Variants in CTNNA3 observed in about 807,000 individuals in gnomAD.
The protein encoded by CTNNA3 is catenin alpha-3.
In CTNNA3, 76 loss-of-function variants were observed where a neutral mutation model predicts 95.7. The observed-to-expected ratio is 0.79, with a 90% CI of 0.66 to 0.96. CTNNA3 has a LOEUF of 0.96. CTNNA3 is among the 40% of genes least tolerant of loss of function. The pLI, the probability that CTNNA3 is intolerant of heterozygous loss-of-function variation, is 0.00. For missense variants in CTNNA3, 1,191 were observed against 1,089.8 expected, an observed-to-expected ratio of 1.09 and a Z score of -1.31; for synonymous variants, 431 against 374.4, an observed-to-expected ratio of 1.15 and a Z score of -1.74.
Position 66,981,523 on chromosome 10 carries a change from A to G in CTNNA3, c.1047+198794T>C, listed in dbSNP as rs570768383. On this transcript the variant is annotated intron_variant, in intron 7 of 17. Transcript: ENST00000433211. ...CTTTCTCCTCCTCCTCATTTACAGC[A>G]TATCTCCATTGCACTTCTGGCCAAC... Among the ~76,000 whole-genome samples the G allele has an allele frequency of 1.6e-4, 25 of 152,206 alleles. No individual in the cohort carries two copies. In the South Asian group the frequency reaches 2.9e-3, roughly 18 times the overall value.
intron 5 of CTNNA3, among the ~76,000 whole-genome samples, chr10:67,227,079 G>C (rs1264482551): frequency 7.3e-6 from 1 of 137,230 alleles, no homozygotes; most frequent in Non-Finnish European, 1.5e-5. Context: ...AGCAAGCAAA[G>C]GTAGCTTTTT....
At chr10:66,000,945 C>A (rs933383906) in intron 15 of CTNNA3, among the ~76,000 whole-genome samples, 2 of 151,958 alleles carry the variant, frequency 1.3e-5, no homozygotes, top group Admixed American at 1.3e-4. Flanking sequence ...TAAAACATAT[C>A]GAGTTAAAAA....
intron 7 of CTNNA3, among the ~76,000 whole-genome samples, chr10:67,042,524 T>C (rs1233342421): frequency 6.6e-6 from 1 of 151,640 alleles, no homozygotes; most frequent in East Asian, 1.9e-4. Context: ...AGACATAGAG[T>C]GTGGCAGTGG....
chr10:67,374,438 G>A (rs115867641), intron 5 of CTNNA3, among the ~76,000 whole-genome samples: 1,617 of 151,878 alleles, frequency 0.011, 23 homozygotes, highest in African/African-American at 0.033. Flanking sequence ...ACGAATGAAC[G>A]AATAAATAAA....
chr10:66,431,130 C>A (rs1322552940), intron 11 of CTNNA3, among the ~76,000 whole-genome samples: 2 of 151,866 alleles, frequency 1.3e-5, no homozygotes, highest in African/African-American at 2.4e-5. Flanking sequence ...ATGCAGCCTA[C>A]AGACACATGA....
chr10:67,725,228 G>A (rs575261259), intron 1 of CTNNA3, among the ~76,000 whole-genome samples: 37 of 149,700 alleles, frequency 2.5e-4, no homozygotes, highest in South Asian at 2.1e-4. Context: ...CCAGGCTGGC[G>A]TGCAGCGGCA....
chr10:67,069,816 T>G (rs540552695), intron 7 of CTNNA3, among the ~76,000 whole-genome samples: 1 of 152,280 alleles, frequency 6.6e-6, no homozygotes, highest in Non-Finnish European at 1.5e-5. Context: ...TCTTTTTACC[T>G]AAGGACCCAT....
rs1281651894 is a variant in CTNNA3, at chr10:66,280,625, T to C, written c.1733-4A>G. 1 of 1,600,768 alleles carries C rather than the reference T, an allele frequency of 6.2e-7. No individual in the cohort carries two copies. Among genetic ancestry groups the C allele is most frequent in the South Asian group, 1.1e-5 (1 of 89,792 alleles). ...TGTGTTACAAATTCAGGAATTACTG[T>C]TAAAATAAAGAATAAGGAGAAGATT... On this transcript the variant is annotated splice_region_variant and splice_polypyrimidine_tract_variant and intron_variant, in intron 12 of 17. Coordinates refer to ENST00000433211, the MANE Select transcript of CTNNA3 (RefSeq NM_013266.4).
upstream of CTNNA3, among the ~76,000 whole-genome samples, chr10:67,698,005 C>G (rs963462720): frequency 6.6e-6 from 1 of 152,152 alleles, no homozygotes; most frequent in African/African-American, 2.4e-5. Flanking sequence ...TGTGTGATCG[C>G]TGAGGCATGC....
chr10:66,646,238 G>A (rs546167456), intron 9 of CTNNA3, among the ~76,000 whole-genome samples: 11 of 152,126 alleles, frequency 7.2e-5, no homozygotes, highest in Non-Finnish European at 1.3e-4. Context: ...GAAAAAAATT[G>A]ATGTGAAAAA....
At chr10:66,932,930 T>G (rs1369875925) in intron 7 of CTNNA3, among the ~76,000 whole-genome samples, 1 of 152,238 alleles carries the variant, frequency 6.6e-6, no homozygotes, top group Non-Finnish European at 1.5e-5. Flanking sequence ...AAATTCAAGT[T>G]CCTTTGACAC....
At chr10:66,987,076 T>C (rs1047661762) in intron 7 of CTNNA3, among the ~76,000 whole-genome samples, 73 of 152,086 alleles carry the variant, frequency 4.8e-4, no homozygotes, top group African/African-American at 1.7e-3. Context: ...AGTGCAAAAG[T>C]CCCGACGTGA....
chr10:67,497,143 T>C (rs2051307233), intron 5 of CTNNA3, among the ~76,000 whole-genome samples: 2 of 152,142 alleles, frequency 1.3e-5, no homozygotes. Flanking sequence ...CCATGTATTC[T>C]CATTGTTCAA....
At chr10:67,163,386 A>G (rs1696212432) in intron 7 of CTNNA3, among the ~76,000 whole-genome samples, 1 of 152,064 alleles carries the variant, frequency 6.6e-6, no homozygotes, top group Non-Finnish European at 1.5e-5. Context: ...AAATTGATGC[A>G]GAAAAGGCAT....
intron 7 of CTNNA3, among the ~76,000 whole-genome samples, chr10:66,809,806 C>CTTTTTTTTT (rs71035181): frequency 7.0e-6 from 1 of 142,378 alleles, no homozygotes; most frequent in African/African-American, 2.6e-5. Flanking sequence ...TTGCTGATTT[C>CTTTTTTTTT]TTTTTTTTTT....
intron 9 of CTNNA3, among the ~76,000 whole-genome samples, chr10:66,688,047 A>T (rs1283529264): frequency 3.9e-5 from 6 of 152,170 alleles, no homozygotes; most frequent in African/African-American, 1.4e-4. Flanking sequence ...GAAATAAAAA[A>T]TATATGGTAG....
At chr10:66,104,317 TA>T (rs1469840635) in intron 13 of CTNNA3, among the ~76,000 whole-genome samples, 1 of 152,232 alleles carries the variant, frequency 6.6e-6, no homozygotes, top group Non-Finnish European at 1.5e-5. Context: ...ATTAGGCAGC[TA>T]ATTGTTGAAT....
At chr10:67,688,907 C>G (rs1840788025) in intron 1 of CTNNA3, among the ~76,000 whole-genome samples, 1 of 152,144 alleles carries the variant, frequency 6.6e-6, no homozygotes. Context: ...GACGCAGCAT[C>G]AGAAACACTA....
intron 9 of CTNNA3, among the ~76,000 whole-genome samples, chr10:66,652,471 ATGAG>A (rs1355505923): frequency 6.6e-6 from 1 of 152,136 alleles, no homozygotes; most frequent in African/African-American, 2.4e-5. Context: ...CAAACTCATA[ATGAG>A]TAAGAAGATT....
Sources: gnomAD v4.1 joint callset for allele counts (sites outside exome capture counted in the v4.1 genomes callset) on GRCh38, gnomAD v4.1.1 for gene constraint, MANE v1.5 for transcripts, NCBI Gene and HGNC (gene_info 2026-07-23, HGNC 2026-07-21) for gene names.